FER1L6: variants seen among roughly 807,000 people sequenced by gnomAD.
FER1L6 encodes fer-1-like protein 6.
FER1L6 carries 177 observed loss-of-function variants against 219.2 expected under a neutral mutation model. That is an observed-to-expected ratio of 0.81 (90% CI 0.71 to 0.91). The LOEUF is 0.91. FER1L6 is among the 40% of genes least tolerant of loss of function. The pLI, the probability that FER1L6 is intolerant of heterozygous loss-of-function variation, is 0.00. For synonymous variants in FER1L6, 768 were observed against 824.3 expected (o/e 0.93, Z 1.17); for missense variants, 2,153 against 2,259.9 (o/e 0.95, Z 0.96).
intron 22 of FER1L6, among the ~76,000 whole-genome samples, chr8:124,051,028 C>T (rs1179296480): frequency 2.6e-5 from 4 of 152,156 alleles, no homozygotes; most frequent in African/African-American, 7.2e-5. Flanking sequence ...AGAAGGCAAG[C>T]ATTCCTAACA....
chr8:123,941,933 C>T (rs1346580656), intron 1 of FER1L6, among the ~76,000 whole-genome samples: 5 of 152,094 alleles, frequency 3.3e-5, no homozygotes, highest in Non-Finnish European at 7.4e-5. Context: ...TCACTTCCCC[C>T]AGTGGTAACA....
intron 1 of FER1L6, among the ~76,000 whole-genome samples, chr8:123,929,012 G>A (rs1159490201): frequency 6.6e-6 from 1 of 152,196 alleles, no homozygotes; most frequent in Non-Finnish European, 1.5e-5. Flanking sequence ...GAATCCGTGA[G>A]TTTGGAATTC....
chr8:124,069,811 T>A (rs1330107147), intron 29 of FER1L6, among the ~76,000 whole-genome samples: 1 of 152,204 alleles, frequency 6.6e-6, no homozygotes, highest in Non-Finnish European at 1.5e-5. Context: ...AACAGGAGAT[T>A]TAACTCCAAC....
rs1330982769 is a variant in FER1L6 at position 123,970,016 on chromosome 8, T to C, written c.385-19T>C. The C allele has an allele frequency of 1.2e-6, 2 of 1,612,630 alleles. No individual in the cohort carries two copies. Among genetic ancestry groups the C allele is most frequent in the South Asian group, 2.2e-5 (2 of 91,044 alleles). On this transcript the variant is annotated intron_variant, in intron 5 of 40. Coordinates refer to ENST00000522917, the MANE Select transcript of FER1L6 (RefSeq NM_001039112.2). The stretch of plus-strand genomic sequence containing the variant: ...GCAAGTCTGGGGTTGATGACCAGAA[T>C]GAACTTTTTGTTTTGCAGTACTTTG...
At chr8:123,927,246 G>A (rs1436811168) in intron 1 of FER1L6, among the ~76,000 whole-genome samples, 5 of 151,566 alleles carry the variant, frequency 3.3e-5, no homozygotes, top group African/African-American at 7.3e-5. Flanking sequence ...AAGAATCAAC[G>A]ACCAATCTCA....
intron 1 of FER1L6, among the ~76,000 whole-genome samples, chr8:123,943,184 A>C (rs1484740061): frequency 1.3e-5 from 2 of 152,234 alleles, no homozygotes; most frequent in African/African-American, 2.4e-5. Context: ...TGCTCAATAA[A>C]TGTTAACCAT....
intron 22 of FER1L6, among the ~76,000 whole-genome samples, chr8:124,050,616 T>C (rs189332111): frequency 6.6e-6 from 1 of 152,286 alleles, no homozygotes; most frequent in Non-Finnish European, 1.5e-5. Flanking sequence ...TGCTATTATA[T>C]AATAGAATTC....
intron 1 of FER1L6, among the ~76,000 whole-genome samples, chr8:123,886,317 T>A (rs927307747): frequency 2.2e-4 from 34 of 152,168 alleles, no homozygotes; most frequent in African/African-American, 7.5e-4. Context: ...TGGGAGTAGA[T>A]CCCTTATGAG....
At chr8:124,085,631 G>A (rs1005906274) in intron 33 of FER1L6, among the ~76,000 whole-genome samples, 2 of 151,520 alleles carry the variant, frequency 1.3e-5, no homozygotes, top group Non-Finnish European at 2.9e-5. Flanking sequence ...GACTTGTTTT[G>A]TGGCCTAACG....
At chr8:123,878,909 C>A (rs1417563143) in intron 1 of FER1L6, among the ~76,000 whole-genome samples, 1 of 152,200 alleles carries the variant, frequency 6.6e-6, no homozygotes, top group Non-Finnish European at 1.5e-5. Context: ...CAGCTCTATT[C>A]CATGGCCTGT....
chr8:124,005,896 G>A (rs1817634040), intron 13 of FER1L6, among the ~76,000 whole-genome samples: 1 of 152,184 alleles, frequency 6.6e-6, no homozygotes, highest in African/African-American at 2.4e-5. Flanking sequence ...CATTGAAATA[G>A]TCTTAGCTGT....
intron 1 of FER1L6, among the ~76,000 whole-genome samples, chr8:123,899,825 CG>C: frequency 6.6e-6 from 1 of 151,950 alleles, no homozygotes; most frequent in Non-Finnish European, 1.5e-5. Flanking sequence ...GGTTTATTTC[CG>C]AGTTCTCTAT....
chr8:124,013,425 T>C lies in FER1L6; in HGVS notation c.1822-6T>C, dbSNP rs1188881705. The C allele has an allele frequency of 1.3e-6, 2 of 1,594,558 alleles. No individual in the cohort carries two copies. Among genetic ancestry groups the C allele is most frequent in the Non-Finnish European group, 1.7e-6 (2 of 1,170,578 alleles). ...TCATCTCTCCACCCCTGTGGTTTGTTTTCAGGAAGAAAGTATAGAAGAAGT... is the reference window on the plus strand; with the variant it reads ...TCATCTCTCCACCCCTGTGGTTTGTCTTCAGGAAGAAAGTATAGAAGAAGT... On this transcript the variant is annotated splice_region_variant and splice_polypyrimidine_tract_variant and intron_variant, in intron 14 of 40. Coordinates refer to ENST00000522917, the MANE Select transcript of FER1L6 (RefSeq NM_001039112.2).
chr8:123,941,182 A>G (rs890938518), intron 1 of FER1L6, among the ~76,000 whole-genome samples: 5 of 152,218 alleles, frequency 3.3e-5, no homozygotes, highest in Non-Finnish European at 1.5e-5. Flanking sequence ...ATGGAAAAAA[A>G]TCACATAAAT....
At chr8:124,112,549 G>A (rs925140763) in intron 39 of FER1L6, among the ~76,000 whole-genome samples, 1 of 151,924 alleles carries the variant, frequency 6.6e-6, no homozygotes, top group African/African-American at 2.4e-5. Context: ...ACTCTTTTAA[G>A]AGACAAAGAT....
intron 6 of FER1L6, among the ~76,000 whole-genome samples, chr8:123,972,592 C>T (rs1815867543): frequency 6.6e-6 from 1 of 152,164 alleles, no homozygotes; most frequent in Non-Finnish European, 1.5e-5. Flanking sequence ...AAAGCTCATT[C>T]CATTGCTGGG....
At chr8:123,953,338 CA>C (rs1260696182) in intron 1 of FER1L6, among the ~76,000 whole-genome samples, 5 of 152,312 alleles carry the variant, frequency 3.3e-5, no homozygotes, top group African/African-American at 1.2e-4. Context: ...TACTCTTCAG[CA>C]GGCCTGAGCT....
intron 1 of FER1L6, among the ~76,000 whole-genome samples, chr8:123,887,966 C>G (rs1687488016): frequency 6.6e-6 from 1 of 151,994 alleles, no homozygotes; most frequent in South Asian, 2.1e-4. Context: ...TCATAAAACT[C>G]TTAGTCTTGA....
chr8:123,989,464 C>A (rs1455008214), intron 12 of FER1L6, among the ~76,000 whole-genome samples: 1 of 152,058 alleles, frequency 6.6e-6, no homozygotes, highest in Non-Finnish European at 1.5e-5. Flanking sequence ...TTGTATTCAT[C>A]CTTGGTGAAG....
Sources: allele counts gnomAD v4.1 joint callset (sites outside exome capture counted in the v4.1 genomes callset), GRCh38; gene constraint gnomAD v4.1.1; transcripts MANE v1.5; gene names NCBI Gene and HGNC (gene_info 2026-07-23, HGNC 2026-07-21).